The following GFPT1 variants were observed in gnomAD, a reference collection of about 807,000 sequenced individuals.
The protein encoded by GFPT1 is glutamine--fructose-6-phosphate aminotransferase [isomerizing] 1.
Under a neutral mutation model 92.0 loss-of-function variants are expected in GFPT1, and 40 were observed. That is an observed-to-expected ratio of 0.43 (90% CI 0.34 to 0.57). The LOEUF is 0.57. Ranked by LOEUF, GFPT1 falls within the 20% of genes least tolerant of loss-of-function variation. GFPT1 has a pLI of 0.02. For synonymous variants in GFPT1, 269 were observed against 280.6 expected (o/e 0.96, Z 0.41); for missense variants, 448 against 869.1 (o/e 0.52, Z 6.09).
At chr2:69,326,592 G>A (rs1422879434) in intron 19 of GFPT1, among the ~76,000 whole-genome samples, 1 of 152,084 alleles carries the variant, frequency 6.6e-6, no homozygotes, top group Non-Finnish European at 1.5e-5. Flanking sequence ...TCAATGTGTG[G>A]GACAGTTCCA....
chr2:69,328,533 G>A (rs553882487), intron 17 of GFPT1, 95 bp from the exon 18 acceptor site: 2 of 842,336 alleles, frequency 2.4e-6, no homozygotes, highest in East Asian at 5.1e-5. Flanking sequence ...TCAAGCCACT[G>A]TCTATCTATC....
intron 11 of GFPT1, among the ~76,000 whole-genome samples, chr2:69,347,064 C>G (rs570182454): frequency 6.6e-6 from 1 of 152,218 alleles, no homozygotes; most frequent in Non-Finnish European, 1.5e-5. Flanking sequence ...TACATGCCAC[C>G]ATGCCCATAA....
chr2:69,326,457 G>T (rs1283485009), intron 19 of GFPT1, among the ~76,000 whole-genome samples: 4 of 152,204 alleles, frequency 2.6e-5, no homozygotes, highest in African/African-American at 9.6e-5. Context: ...AAAGGTGCCA[G>T]TTCACACAGA....
At chr2:69,367,652 C>T (rs1017585139) in intron 3 of GFPT1, among the ~76,000 whole-genome samples, 2 of 152,170 alleles carry the variant, frequency 1.3e-5, no homozygotes, top group Admixed American at 6.5e-5. Flanking sequence ...TGAGCCACCA[C>T]GCCCGGCACA....
intron 1 of GFPT1, among the ~76,000 whole-genome samples, chr2:69,386,101 T>C (rs1480572564): frequency 6.6e-6 from 1 of 150,760 alleles, no homozygotes; most frequent in Non-Finnish European, 1.5e-5. Context: ...AAGGTAAGAA[T>C]ACAATTATTT....
Position 69,374,095 on chromosome 2 carries a change from T to C in GFPT1, c.26A>G (p.Asn9Ser). The part of the protein sequence containing the change: MCGIFAYL[N>S]YHVPRTRREI... ...TCGTCTCGTTCGAGGAACATGGTAG[T>C]TTAAGTAAGCAAATATACCTGCAAA... Residue 9 changes from asparagine (N) to serine (S), a missense_variant, in exon 2 of 20, where the codon AAC becomes AGC. Asn to Ser is a conservative substitution (Grantham distance 46). Transcript: ENST00000357308. 1 of 1,574,134 alleles carries C rather than the reference T, an allele frequency of 6.4e-7. No individual in the cohort carries two copies. Among genetic ancestry groups the C allele is most frequent in the Non-Finnish European group, 8.7e-7 (1 of 1,145,384 alleles).
intron 13 of GFPT1, among the ~76,000 whole-genome samples, chr2:69,339,518 T>C (rs978210369): frequency 3.3e-5 from 5 of 152,182 alleles, no homozygotes; most frequent in African/African-American, 7.2e-5. Flanking sequence ...AGAAAAATTA[T>C]CTTTTAGGCA....
chr2:69,369,905 C>A (rs928246879), intron 3 of GFPT1, 96 bp downstream of exon 3: 1 of 790,630 alleles, frequency 1.3e-6, no homozygotes, highest in Non-Finnish European at 2.3e-6. Context: ...TAAAATTGGT[C>A]CCAAAATATG....
In GFPT1 at chr2:69,364,540, C is replaced by A. The variant is rs140640984; in HGVS notation, c.224-870G>T. On this transcript the variant is annotated intron_variant, in intron 3 of 19. Transcript: ENST00000357308. ...TTCCCAATGACACACAACCTTATGACTGCAATTTCTTTGGTCTCTGGTGAG... is the reference window on the plus strand; with the variant it reads ...TTCCCAATGACACACAACCTTATGAATGCAATTTCTTTGGTCTCTGGTGAG... Among the ~76,000 whole-genome samples the A allele has an allele frequency of 4.6e-4, 70 of 152,356 alleles. No individual in the cohort carries two copies. The East Asian group carries it at 0.013, about 27-fold the overall frequency.
chr2:69,356,119 G>A (rs916870012), intron 7 of GFPT1, among the ~76,000 whole-genome samples: 5 of 149,722 alleles, frequency 3.3e-5, no homozygotes, highest in African/African-American at 9.8e-5. Flanking sequence ...TCAGCCTCCC[G>A]AGTAGCTGGG....
intron 15 of GFPT1, among the ~76,000 whole-genome samples, chr2:69,330,642 CTGT>C (rs1465950972): frequency 2.0e-5 from 3 of 149,566 alleles, no homozygotes; most frequent in East Asian, 1.9e-4. Flanking sequence ...TTAATCTCAT[CTGT>C]TATTAGAAAT....
rs1670404443 is a variant in GFPT1, at chr2:69,321,569, C to T, written c.*4620G>A. On this transcript the variant is annotated 3_prime_UTR_variant, in exon 20 of 20. Transcript: ENST00000357308. Reference sequence around the variant, plus strand: ...TCACAGTTCAGGCTTACTCACTGGACTTAACGACATGAGGAAGAAATGACC... The same window carrying T: ...TCACAGTTCAGGCTTACTCACTGGATTTAACGACATGAGGAAGAAATGACC... 6.6e-6 allele frequency: 1 copy of T among 152,186 alleles called. No homozygotes were observed. The highest frequency in any genetic ancestry group is 1.5e-5 in the Non-Finnish European group (1 of 68,028). 9.4% of individuals were successfully genotyped at this position (152,186 alleles called of 1,614,324 possible).
intron 13 of GFPT1, 115 bp downstream of exon 13, chr2:69,342,037 G>A: frequency 1.6e-6 from 1 of 614,444 alleles, no homozygotes; most frequent in Non-Finnish European, 2.8e-6. Context: ...ATCACAAAAG[G>A]GAAAAGATAA....
chr2:69,333,460 A>G (rs1050853614), intron 15 of GFPT1, among the ~76,000 whole-genome samples: 9 of 152,226 alleles, frequency 5.9e-5, no homozygotes, highest in Admixed American at 4.6e-4. Context: ...TCATCAATAC[A>G]TACCAGGAAA....
intron 17 of GFPT1, among the ~76,000 whole-genome samples, 156 bp from the exon 18 acceptor site, chr2:69,328,594 G>T (rs1395167577): frequency 6.6e-6 from 1 of 151,626 alleles, no homozygotes; most frequent in Non-Finnish European, 1.5e-5. Flanking sequence ...CAAGTTAATA[G>T]ATCACTATTT....
chr2:69,322,663 G>A lies in GFPT1; in HGVS notation c.*3526C>T. 1 of 152,180 alleles carries A rather than the reference G, an allele frequency of 6.6e-6. No individual in the cohort carries two copies. The highest frequency in any genetic ancestry group is 1.9e-4 in the East Asian group (1 of 5,204). The allele number at this position is 152,180 out of a possible 1,614,324, so 9.4% of individuals were successfully genotyped here. A position where few individuals can be genotyped will look rare whatever the true frequency, so the allele number is the denominator to read the frequency against. On this transcript the variant is annotated 3_prime_UTR_variant, in exon 20 of 20. Coordinates refer to ENST00000357308, the MANE Select transcript of GFPT1 (RefSeq NM_001244710.2). ...AACCTAAGAGAGAAAACCTGTAATA[G>A]CTCTCTTAACCAACAGCCCCATCTG...
At chr2:69,344,522 T>C (rs1671036944) in intron 12 of GFPT1, among the ~76,000 whole-genome samples, 2 of 152,208 alleles carry the variant, frequency 1.3e-5, no homozygotes. Flanking sequence ...TTTGGTTCAA[T>C]AAATGACTAA....
chr2:69,354,194 G>T (rs1671278497), intron 9 of GFPT1, 65 bp downstream of exon 9: 3 of 1,125,124 alleles, frequency 2.7e-6, no homozygotes, highest in South Asian at 2.8e-5. Flanking sequence ...AAGAACAAAA[G>T]AATTAGTAAA....
rs752884325 is a variant in GFPT1 at position 69,326,245 on chromosome 2, A to G, written c.2056-12T>C. 4.0e-6 allele frequency: 3 copies of G among 757,110 alleles called. No homozygotes were observed. Among genetic ancestry groups the G allele is most frequent in the Non-Finnish European group, 3.3e-6 (2 of 607,466 alleles). The allele number at this position is 757,110 out of a possible 1,614,324, so 46.9% of individuals were successfully genotyped here. A position where few individuals can be genotyped will look rare whatever the true frequency, so the allele number is the denominator to read the frequency against. ...CGTGGGAAATCAACCTGCAAAAAGAAAAAAAAAAAAAGCAAGATTTGAGAG... is the reference window on the plus strand; with the variant it reads ...CGTGGGAAATCAACCTGCAAAAAGAGAAAAAAAAAAAGCAAGATTTGAGAG... On this transcript the variant is annotated splice_polypyrimidine_tract_variant and intron_variant, in intron 19 of 19. Transcript: ENST00000357308.
Sources: gnomAD v4.1 joint callset for allele counts (sites outside exome capture counted in the v4.1 genomes callset) on GRCh38, gnomAD v4.1.1 for gene constraint, MANE v1.5 for transcripts, NCBI Gene and HGNC (gene_info 2026-07-23, HGNC 2026-07-21) for gene names.